Variants in SH2D3C observed in about 807,000 individuals in gnomAD.
SH2D3C encodes the protein SH2 domain containing 3C.
SH2D3C carries 25 observed loss-of-function variants against 75.2 expected under a neutral mutation model. The ratio of observed to expected loss-of-function variants is 0.33; its 90% CI spans 0.24 to 0.46. SH2D3C has a LOEUF of 0.46. Among genes scored for constraint, SH2D3C ranks in the 20% least tolerant of loss-of-function variants. The pLI, the probability that SH2D3C is intolerant of heterozygous loss-of-function variation, is 1.00. For synonymous variants in SH2D3C, 450 were observed against 473.7 expected (o/e 0.95, Z 0.65); for missense variants, 933 against 1,165.3 (o/e 0.80, Z 2.90).
intron 6 of SH2D3C, 83 bp from the exon 7 acceptor site, chr9:127,745,182 C>A: frequency 1.7e-6 from 2 of 1,181,920 alleles, no homozygotes; most frequent in South Asian, 3.8e-5. Flanking sequence ...AAAGAACAGG[C>A]TCCCTCACTC....
chr9:127,751,938 G>A lies in SH2D3C; in HGVS notation c.556-638C>T, dbSNP rs537771810. On this transcript the variant is annotated intron_variant, in intron 3 of 11. Transcript: ENST00000314830. The surrounding 1 kb of genome is among the most constrained non-coding windows in gnomAD (Gnocchi z 4.1). ...GGAAGGGACTATAAACAGGGACACG[G>A]GGACCCCAAACAGACATCTGCATTG... Among the ~76,000 whole-genome samples, 1 of 152,236 alleles carries A rather than the reference G, an allele frequency of 6.6e-6. No homozygotes were observed. Among genetic ancestry groups the A allele is most frequent in the African/African-American group, 2.4e-5 (1 of 41,518 alleles).
intron 2 of SH2D3C, among the ~76,000 whole-genome samples, chr9:127,763,452 G>A (rs541496234): frequency 1.2e-4 from 19 of 152,256 alleles, no homozygotes; most frequent in African/African-American, 4.6e-4. Context: ...GCGTGGCAGT[G>A]AACGCCTGTA....
chr9:127,768,886 C>T (rs55804718), intron 2 of SH2D3C, among the ~76,000 whole-genome samples: 155 of 152,048 alleles, frequency 1.0e-3, no homozygotes, highest in African/African-American at 3.7e-3. Flanking sequence ...GCCTGGTATG[C>T]TCCTTCCCAG....
intron 3 of SH2D3C, chr9:127,755,287 TGTC>T (rs1845345567): frequency 1.1e-6 from 1 of 889,286 alleles, no homozygotes; most frequent in Non-Finnish European, 1.3e-6. Flanking sequence ...CTCATCGCCT[TGTC>T]GGGGGAGGAG....
In SH2D3C at chr9:127,738,548, T is replaced by G. The variant is rs1844752755; in HGVS notation, c.*198A>C. On this transcript the variant is annotated 3_prime_UTR_variant, in exon 12 of 12. Transcript: ENST00000314830. The surrounding 1 kb of genome is among the most constrained non-coding windows in gnomAD (Gnocchi z 5.0). ...AACCGGCGTTCCTGTTCTTCCTCAA[T>G]GGAGACCTGGTGAGCATGTAGCAGG... 2.2e-6 allele frequency: 1 copy of G among 454,236 alleles called. No individual in the cohort carries two copies. The allele number at this position is 454,236 out of a possible 1,614,324, so 28.1% of individuals were successfully genotyped here.
intron 3 of SH2D3C, among the ~76,000 whole-genome samples, chr9:127,758,029 A>G (rs1389604701): frequency 6.6e-6 from 1 of 152,020 alleles, no homozygotes; most frequent in African/African-American, 2.4e-5. Flanking sequence ...CCTGGCCTCA[A>G]GTGATTTGCC....
chr9:127,762,419 G>T (rs765373476), intron 2 of SH2D3C: 1 of 802,266 alleles, frequency 1.2e-6, no homozygotes, highest in South Asian at 1.4e-5. Context: ...TTGGATATCT[G>T]AAGGCCATCT....
Position 127,754,971 on chromosome 9 carries a change from T to G in SH2D3C, c.556-3671A>C. 1.9e-6 allele frequency: 1 copy of G among 524,780 alleles called. No homozygotes were observed. The highest frequency in any genetic ancestry group is 2.9e-6 in the Non-Finnish European group (1 of 343,096). The allele number at this position is 524,780 out of a possible 1,614,324, so 32.5% of individuals were successfully genotyped here. A position where few individuals can be genotyped will look rare whatever the true frequency, so the allele number is the denominator to read the frequency against. On this transcript the variant is annotated intron_variant, in intron 3 of 11. Transcript: ENST00000314830. This position sits in a 1 kb window ranked among gnomAD's most constrained non-coding sequence, Gnocchi z 4.4. The stretch of plus-strand genomic sequence containing the variant: ...GGCCGGGCCCAGCCCAGCCCGACCC[T>G]GCCGGGCGCCGCTGAGCTGCAGCTC...
chr9:127,777,629 A>G (rs1236721634), intron 1 of SH2D3C, among the ~76,000 whole-genome samples: 1 of 152,000 alleles, frequency 6.6e-6, no homozygotes. Context: ...CAGGGGATGG[A>G]GTGTGCGAAT....
chr9:127,761,532 A>C, intron 3 of SH2D3C, 79 bp downstream of exon 3: 1 of 1,012,502 alleles, frequency 9.9e-7, no homozygotes, highest in Non-Finnish European at 1.5e-6. Context: ...GGCTTGAGGA[A>C]GGGCTCTGCC....
intron 2 of SH2D3C, among the ~76,000 whole-genome samples, chr9:127,770,719 C>T (rs1845716987): frequency 6.6e-6 from 1 of 152,184 alleles, no homozygotes; most frequent in Admixed American, 6.5e-5. Flanking sequence ...AGCATGATGC[C>T]AGAGGCACTG....
chr9:127,776,305 G>T (rs59461561), intron 1 of SH2D3C, among the ~76,000 whole-genome samples: 10,164 of 151,954 alleles, frequency 0.067, 745 homozygotes, highest in African/African-American at 0.18. Flanking sequence ...GAGCAGGTGT[G>T]CGTGTTTTGT....
chr9:127,762,249 G>A, intron 2 of SH2D3C: 3 of 1,223,836 alleles, frequency 2.5e-6, no homozygotes, highest in African/African-American at 3.2e-5. Context: ...GGAGAGGCCA[G>A]AGGCCAGAGA....
chr9:127,750,533 C>T (rs975513471), intron 4 of SH2D3C, among the ~76,000 whole-genome samples: 1 of 152,188 alleles, frequency 6.6e-6, no homozygotes, highest in Non-Finnish European at 1.5e-5. Context: ...CATATTCTTA[C>T]CAGGCACTCT....
intron 3 of SH2D3C, among the ~76,000 whole-genome samples, chr9:127,757,093 T>C (rs908462395): frequency 6.8e-6 from 1 of 147,026 alleles, no homozygotes; most frequent in African/African-American, 2.6e-5. Flanking sequence ...CCTGCCACCA[T>C]GCTTGGCTAA....
At chr9:127,758,916 A>G (rs1018676706) in intron 3 of SH2D3C, among the ~76,000 whole-genome samples, 3 of 152,234 alleles carry the variant, frequency 2.0e-5, no homozygotes, top group African/African-American at 7.2e-5. Flanking sequence ...TCGCTGCTCC[A>G]TTACTAGTCA....
chr9:127,753,377 A>C lies in SH2D3C; in HGVS notation c.556-2077T>G, dbSNP rs144971935. 2.5e-3 allele frequency among the ~76,000 whole-genome samples: 386 copies of C among 152,272 alleles called. 8 individuals carry two copies. In the East Asian group the frequency reaches 0.055, roughly 22 times the overall value. ...TGATTGGGACATGCTCTGAGTGGGC[A>C]AGGCTGGGGCAGGAGCAGCTTGGTG... On this transcript the variant is annotated intron_variant, in intron 3 of 11. Transcript: ENST00000314830.
At chr9:127,761,866 G>C (rs954671685) in intron 2 of SH2D3C, among the ~76,000 whole-genome samples, 1 of 152,158 alleles carries the variant, frequency 6.6e-6, no homozygotes, top group Non-Finnish European at 1.5e-5. Flanking sequence ...CCTGCATTTC[G>C]TATCTGTAAA....
chr9:127,744,645 G>T lies in SH2D3C; in HGVS notation c.1719C>A (p.Gly573=), dbSNP rs1221745660. 1.2e-6 allele frequency: 2 copies of T among 1,614,148 alleles called. No individual in the cohort carries two copies. The highest frequency in any genetic ancestry group is 3.3e-5 in the Admixed American group (2 of 60,014). Residue 573 remains glycine, a synonymous_variant, in exon 7 of 12, where the codon GGC becomes GGA. Transcript: ENST00000314830. ...GCAGCTCCTTGACCTTGCGCAGAAG[G>T]CCCACCTCCAGTGGCCGGTTATCCC... The part of the protein sequence containing the change: ...IPRDNRPLEV[G]LLRKVKELLA...
Sources: allele counts gnomAD v4.1 joint callset (sites outside exome capture counted in the v4.1 genomes callset), GRCh38; gene constraint gnomAD v4.1.1; non-coding constraint Gnocchi (gnomAD v3.1); transcripts MANE v1.5; gene names NCBI Gene and HGNC (gene_info 2026-07-23, HGNC 2026-07-21).